Variants in ZNF804B observed in about 807,000 individuals in gnomAD.
ZNF804B encodes the protein zinc finger protein 804B.
Under a neutral mutation model 101.4 loss-of-function variants are expected in ZNF804B, and 80 were observed. That is an observed-to-expected ratio of 0.79 (90% CI 0.66 to 0.95). ZNF804B has a LOEUF of 0.95. Among genes scored for constraint, ZNF804B ranks in the 40% least tolerant of loss-of-function variants. The pLI is 0.00. For synonymous variants in ZNF804B, 622 were observed against 558.8 expected, an observed-to-expected ratio of 1.11 and a Z score of -1.59; for missense variants, 1,673 against 1,561.9, an observed-to-expected ratio of 1.07 and a Z score of -1.20.
chr7:89,228,529 A>G (rs1789132573), intron 2 of ZNF804B, among the ~76,000 whole-genome samples: 1 of 152,130 alleles, frequency 6.6e-6, no homozygotes, highest in East Asian at 1.9e-4. Context: ...CAGAGTAGCT[A>G]GATACAGAGT....
In ZNF804B at chr7:89,103,732, G is replaced by A. The variant is rs565244880; in HGVS notation, c.109-114423G>A. ...TGGATTCCTTTTATTTCTTTCTCCTGCCTGATTGCTCTGGCTAGGACTTCC... is the reference window on the plus strand; with the variant it reads ...TGGATTCCTTTTATTTCTTTCTCCTACCTGATTGCTCTGGCTAGGACTTCC... On this transcript the variant is annotated intron_variant, in intron 1 of 3. Coordinates refer to ENST00000333190, the MANE Select transcript of ZNF804B (RefSeq NM_181646.5). 1.3e-4 allele frequency among the ~76,000 whole-genome samples: 19 copies of A among 151,938 alleles called. No individual in the cohort carries two copies. In the South Asian group the frequency reaches 3.8e-3, roughly 30 times the overall value.
chr7:89,306,049 G>A (rs1167752850), intron 2 of ZNF804B, among the ~76,000 whole-genome samples: 3 of 151,800 alleles, frequency 2.0e-5, no homozygotes, highest in Non-Finnish European at 4.4e-5. Flanking sequence ...TTTTAAAATA[G>A]ACTAAACAAA....
intron 1 of ZNF804B, among the ~76,000 whole-genome samples, chr7:88,953,520 C>T (rs1347658111): frequency 6.6e-6 from 1 of 151,690 alleles, no homozygotes; most frequent in Admixed American, 6.6e-5. Context: ...CCCCAACCTC[C>T]GAGCACTGTG....
chr7:89,321,568 C>G (rs1790821953), intron 2 of ZNF804B, among the ~76,000 whole-genome samples: 1 of 151,578 alleles, frequency 6.6e-6, no homozygotes, highest in South Asian at 2.1e-4. Context: ...ACTAAATAAT[C>G]AATAGAAAAG....
chr7:89,147,322 T>C (rs921861146), intron 1 of ZNF804B, among the ~76,000 whole-genome samples: 4 of 151,958 alleles, frequency 2.6e-5, no homozygotes, highest in African/African-American at 9.7e-5. Context: ...CAGATCCCTA[T>C]TGGCTTTGTT....
chr7:89,204,972 G>A (rs762403404), intron 1 of ZNF804B, among the ~76,000 whole-genome samples: 1 of 152,142 alleles, frequency 6.6e-6, no homozygotes, highest in African/African-American at 2.4e-5. Flanking sequence ...ATAAAGGAAA[G>A]AGGCTTAATT....
At chr7:88,972,926 A>G (rs144888210) in intron 1 of ZNF804B, among the ~76,000 whole-genome samples, 2 of 151,556 alleles carry the variant, frequency 1.3e-5, no homozygotes, top group East Asian at 3.9e-4. Flanking sequence ...TTTGTTAACA[A>G]GGCCTTAGTA....
intron 2 of ZNF804B, among the ~76,000 whole-genome samples, chr7:89,263,883 T>G (rs1789745585): frequency 6.6e-6 from 1 of 152,210 alleles, no homozygotes; most frequent in African/African-American, 2.4e-5. Flanking sequence ...GACTTCTGGC[T>G]GCCGGGCTAT....
intron 1 of ZNF804B, among the ~76,000 whole-genome samples, chr7:89,139,314 G>A (rs1790682868): frequency 6.6e-6 from 1 of 152,046 alleles, no homozygotes; most frequent in Non-Finnish European, 1.5e-5. Context: ...GATATTGATA[G>A]CTGCTCATTC....
chr7:88,991,896 C>G (rs529633902), intron 1 of ZNF804B, among the ~76,000 whole-genome samples: 88 of 152,264 alleles, frequency 5.8e-4, no homozygotes, highest in African/African-American at 2.0e-3. Context: ...GCTGAACACA[C>G]AGAATCTCTT....
chr7:89,308,045 AT>A (rs1790592589), intron 2 of ZNF804B, among the ~76,000 whole-genome samples: 1 of 152,110 alleles, frequency 6.6e-6, no homozygotes, highest in Non-Finnish European at 1.5e-5. Context: ...GAATAAAAGT[AT>A]TTTTAAAAGA....
intron 1 of ZNF804B, among the ~76,000 whole-genome samples, chr7:89,173,046 A>G (rs1791261841): frequency 6.6e-6 from 1 of 152,238 alleles, no homozygotes; most frequent in East Asian, 1.9e-4. Flanking sequence ...AGGCTGCTGC[A>G]TGGGCCCTCC....
intron 1 of ZNF804B, among the ~76,000 whole-genome samples, chr7:89,195,490 G>T (rs1266370564): frequency 7.0e-6 from 1 of 143,098 alleles, no homozygotes; most frequent in African/African-American, 2.6e-5. Context: ...CTTCAGCAAA[G>T]TCTCAGGATA....
chr7:88,958,717 G>T (rs1793349267), intron 1 of ZNF804B, among the ~76,000 whole-genome samples: 1 of 151,380 alleles, frequency 6.6e-6, no homozygotes, highest in South Asian at 2.1e-4. Context: ...TCACATCGAA[G>T]AGTAACTTGT....
intron 1 of ZNF804B, among the ~76,000 whole-genome samples, chr7:89,128,247 G>A (rs1344936195): frequency 4.0e-5 from 6 of 151,726 alleles, no homozygotes; most frequent in Non-Finnish European, 8.8e-5. Context: ...TAGTTGTTAA[G>A]CAATATTAAA....
At chr7:89,211,455 A>G (rs1397955954) in intron 1 of ZNF804B, among the ~76,000 whole-genome samples, 1 of 152,098 alleles carries the variant, frequency 6.6e-6, no homozygotes, top group African/African-American at 2.4e-5. Flanking sequence ...TGTGTCTTGA[A>G]TGCTATTGCC....
At chr7:89,055,973 G>A (rs1789285928) in intron 1 of ZNF804B, among the ~76,000 whole-genome samples, 1 of 152,088 alleles carries the variant, frequency 6.6e-6, no homozygotes, top group African/African-American at 2.4e-5. Context: ...CACTTAGGGT[G>A]AGGATTTAAG....
At chr7:89,021,834 G>C (rs909458248) in intron 1 of ZNF804B, among the ~76,000 whole-genome samples, 1 of 152,192 alleles carries the variant, frequency 6.6e-6, no homozygotes, top group Non-Finnish European at 1.5e-5. Flanking sequence ...AGTAGGTCCA[G>C]TCTTAAGATT....
chr7:88,795,392 A>G (rs1790464529), intron 1 of ZNF804B, among the ~76,000 whole-genome samples: 1 of 152,110 alleles, frequency 6.6e-6, no homozygotes, highest in Admixed American at 6.6e-5. Flanking sequence ...TAATTAGCTT[A>G]TGTAACCTTT....
Sources: allele counts gnomAD v4.1 joint callset (sites outside exome capture counted in the v4.1 genomes callset), GRCh38; gene constraint gnomAD v4.1.1; transcripts MANE v1.5; gene names NCBI Gene and HGNC (gene_info 2026-07-23, HGNC 2026-07-21).